The following SEC16B variants were observed in gnomAD, a reference collection of about 807,000 sequenced individuals.
SEC16B encodes protein transport protein Sec16B.
A neutral mutation model predicts 141.8 loss-of-function variants in SEC16B; 115 were observed. The ratio of observed to expected loss-of-function variants is 0.81; its 90% CI spans 0.70 to 0.95. The LOEUF is 0.95. Ranked by LOEUF, SEC16B falls within the 40% of genes least tolerant of loss-of-function variation. The pLI is 0.00. For synonymous variants in SEC16B, 493 were observed against 492.5 expected (o/e 1.00, Z -0.01); for missense variants, 1,291 against 1,312.3 (o/e 0.98, Z 0.25).
intron 6 of SEC16B, 108 bp downstream of exon 6, chr1:177,961,482 C>T (rs1571342755): frequency 1.6e-6 from 2 of 1,254,030 alleles, no homozygotes; most frequent in Non-Finnish European, 2.2e-6. Flanking sequence ...CCTACATAAG[C>T]AAATGAGGTG....
Position 177,937,375 on chromosome 1 carries a change from C to A in SEC16B, c.2342G>T (p.Gly781Val), listed in dbSNP as rs1650925957. Residue 781 changes from glycine (G) to valine (V), a missense_variant, in exon 19 of 26, where the codon GGC becomes GTC. Gly to Val is a moderately radical substitution (Grantham distance 109). Coordinates refer to ENST00000308284, the MANE Select transcript of SEC16B (RefSeq NM_033127.4). Reference protein sequence around the residue: ...SPQQPFPLQPGSYPAGGGAGQ... With the variant: ...SPQQPFPLQPVSYPAGGGAGQ... The stretch of plus-strand genomic sequence containing the variant: ...TGCACCCCCTCCTGCTGGGTAGGAG[C>A]CCGGCTGGAGGGGAAAGGGCTGCTG... 1.2e-6 allele frequency: 2 copies of A among 1,612,788 alleles called. No individual in the cohort carries two copies. The highest frequency in any genetic ancestry group is 2.2e-5 in the East Asian group (1 of 44,870).
At chr1:177,968,945 C>T (rs1653762685) in intron 1 of SEC16B, among the ~76,000 whole-genome samples, 1 of 152,180 alleles carries the variant, frequency 6.6e-6, no homozygotes, top group Admixed American at 6.5e-5. Flanking sequence ...AGGGAAATTG[C>T]TCCAAGGACT....
At chr1:177,958,720 G>C in intron 9 of SEC16B, 120 bp downstream of exon 9, 2 of 1,279,950 alleles carry the variant, frequency 1.6e-6, no homozygotes, top group Non-Finnish European at 2.1e-6. Context: ...TTTTCCCTTG[G>C]GGCAATTTGT....
At chr1:177,982,766 A>G (rs1654473066) in intron 1 of SEC16B, among the ~76,000 whole-genome samples, 1 of 152,208 alleles carries the variant, frequency 6.6e-6, no homozygotes, top group African/African-American at 2.4e-5. Flanking sequence ...TCAAACCTTA[A>G]GCCTATGGGT....
At chr1:177,973,392 T>A (rs1388752895), upstream of SEC16B, 1 of 152,242 alleles carries the variant, frequency 6.6e-6, no homozygotes, top group East Asian at 1.9e-4. Flanking sequence ...AATGGAATGG[T>A]GGATGATTTT....
chr1:177,946,630 G>A (rs1651738990), intron 13 of SEC16B, 99 bp from the exon 14 acceptor site: 5 of 847,684 alleles, frequency 5.9e-6, no homozygotes, highest in Non-Finnish European at 9.4e-6. Flanking sequence ...TGGCCTCGGG[G>A]GTCAGAGGGG....
rs1023831519 is a variant in SEC16B, at chr1:177,944,665, G to A, written c.1777C>T (p.Gln593Ter). 5.6e-6 allele frequency: 9 copies of A among 1,611,944 alleles called. No homozygotes were observed. Among genetic ancestry groups the A allele is most frequent in the Non-Finnish European group, 7.6e-6 (9 of 1,178,242 alleles). ...HLVLLGSSHS[Q>*]EFLKFATTEA... Reference sequence around the variant, plus strand: ...GTTGTTGCAAATTTCAAAAACTCTTGACTAAAACCAGAGAATAACAATAAA... The same window carrying A: ...GTTGTTGCAAATTTCAAAAACTCTTAACTAAAACCAGAGAATAACAATAAA... Residue 593 changes from glutamine (Q) to a stop codon, truncating the protein, a stop_gained and splice_region_variant, in exon 15 of 26, where the codon CAA (glutamine) becomes TAA (stop). Transcript: ENST00000308284. LOFTEE classifies it high-confidence loss of function.
chr1:177,973,716 T>C (rs1420781086), upstream of SEC16B, among the ~76,000 whole-genome samples: 3 of 152,080 alleles, frequency 2.0e-5, no homozygotes, highest in African/African-American at 7.2e-5. Context: ...GATACAAAGA[T>C]AAATAACATG....
chr1:177,937,383 G>A lies in SEC16B; in HGVS notation c.2334C>T (p.Leu778=). The stretch of plus-strand genomic sequence containing the variant: ...CTCCTGCTGGGTAGGAGCCCGGCTG[G>A]AGGGGAAAGGGCTGCTGTGGGCTGG... ...LQPSPQQPFP[L]QPGSYPAGGG... is the part of the protein sequence containing the mutation. The change falls in exon 19 of 26, where the codon CTC becomes CTT. Residue 778 remains leucine, a synonymous_variant. Transcript: ENST00000308284. 6.2e-7 allele frequency: 1 copy of A among 1,612,620 alleles called. No homozygotes were observed. The highest frequency in any genetic ancestry group is 8.5e-7 in the Non-Finnish European group (1 of 1,179,410).
chr1:177,960,387 G>C lies in SEC16B; in HGVS notation c.953C>G (p.Ser318Cys). The C allele has an allele frequency of 6.3e-7, 1 of 1,598,480 alleles. No individual in the cohort carries two copies. The highest frequency in any genetic ancestry group is 8.5e-7 in the Non-Finnish European group (1 of 1,169,668). ...ACTTCTCATCTCCTCTTGCTCTTCGGAATCATTAAGAATAACCTGGAATAA... is the reference window on the plus strand; with the variant it reads ...ACTTCTCATCTCCTCTTGCTCTTCGCAATCATTAAGAATAACCTGGAATAA... Reference protein sequence around the residue: ...LHSMEVILNDSEEQEEMRSFS... With the variant: ...LHSMEVILNDCEEQEEMRSFS... The change falls in exon 8 of 26, where the codon TCC becomes TGC. Residue 318 changes from serine (S) to cysteine (C), a missense_variant. Physicochemically the swap from Ser to Cys is moderately radical, Grantham distance 112 (BLOSUM62 -1). This residue lies in a region of SEC16B where 681 missense variants were observed against 675.5 expected (regional missense o/e 1.01). Transcript: ENST00000308284.
rs1334113299 is a variant in SEC16B at position 177,950,864 on chromosome 1, G to T, written c.1545+1050C>A. 2.0e-5 allele frequency among the ~76,000 whole-genome samples: 3 copies of T among 148,990 alleles called. No homozygotes were observed. The East Asian group carries it at 6.0e-4, about 30-fold the overall frequency. Reference sequence around the variant, plus strand: ...AGTAAAGGACAGAGGAAGGAAAAAAGAAAGGAGGGAAGGAAGGAAGGAGGA... The same window carrying T: ...AGTAAAGGACAGAGGAAGGAAAAAATAAAGGAGGGAAGGAAGGAAGGAGGA... On this transcript the variant is annotated intron_variant, in intron 12 of 25. Coordinates refer to ENST00000308284, the MANE Select transcript of SEC16B (RefSeq NM_033127.4).
intron 11 of SEC16B, among the ~76,000 whole-genome samples, chr1:177,952,305 A>G (rs1251769495): frequency 1.3e-5 from 2 of 152,096 alleles, no homozygotes; most frequent in Admixed American, 1.3e-4. Context: ...ACCCTCTGAC[A>G]TCTCAAAGGT....
At chr1:177,943,650 T>G (rs10913467) in intron 15 of SEC16B, among the ~76,000 whole-genome samples, 6,365 of 152,260 alleles carry the variant, frequency 0.042, 439 homozygotes, top group African/African-American at 0.14. Context: ...TGCATAAAAG[T>G]CAAGAAAACA....
At chr1:177,977,135 G>C (rs761085324) in intron 1 of SEC16B, among the ~76,000 whole-genome samples, 4 of 152,114 alleles carry the variant, frequency 2.6e-5, no homozygotes, top group Non-Finnish European at 5.9e-5. Context: ...ATACTTCAAA[G>C]AAACTTTACA....
chr1:177,936,190 G>A, intron 20 of SEC16B, 108 bp downstream of exon 20: 5 of 830,592 alleles, frequency 6.0e-6, no homozygotes, highest in Non-Finnish European at 1.0e-5. Context: ...AGAGAAAGCT[G>A]CTGCAACACT....
upstream of SEC16B, among the ~76,000 whole-genome samples, chr1:177,975,190 A>G (rs115230943): frequency 0.012 from 1,893 of 152,316 alleles, 41 homozygotes; most frequent in African/African-American, 0.044. Flanking sequence ...TGCAGCTGTT[A>G]TTGAACACCT....
In SEC16B at chr1:177,929,535, A is replaced by T; in HGVS notation, c.*323T>A. The T allele has an allele frequency of 3.0e-6, 1 of 335,934 alleles. No homozygotes were observed. The highest frequency in any genetic ancestry group is 5.6e-6 in the Non-Finnish European group (1 of 178,888). The allele number at this position is 335,934 out of a possible 1,614,324, so 20.8% of individuals were successfully genotyped here. ...GGTATCATCTTTGATTCTAGCTGTT[A>T]GGGCCCTAATTTCCCCAAGGCTCTC... is the stretch of plus-strand genomic sequence containing the variant. On this transcript the variant is annotated 3_prime_UTR_variant, in exon 26 of 26. Transcript: ENST00000308284.
intron 5 of SEC16B, 41 bp from the exon 6 acceptor site, chr1:177,961,775 A>G (rs1653084099): frequency 6.3e-7 from 1 of 1,595,650 alleles, no homozygotes; most frequent in Non-Finnish European, 8.6e-7. Flanking sequence ...GAAGTTTCAG[A>G]GAGCTGGTCT....
At chr1:177,954,815 A>G (rs1286016006) in intron 10 of SEC16B, among the ~76,000 whole-genome samples, 3 of 152,186 alleles carry the variant, frequency 2.0e-5, no homozygotes, top group Admixed American at 2.0e-4. Context: ...TAGCCATTCC[A>G]CAGTGTGTGT....
Sources: allele counts gnomAD v4.1 joint callset (sites outside exome capture counted in the v4.1 genomes callset), GRCh38; gene constraint gnomAD v4.1.1; regional missense constraint gnomAD v4.1.1; transcripts MANE v1.5; gene names NCBI Gene and HGNC (gene_info 2026-07-23, HGNC 2026-07-21).